Variants in NEBL observed in about 807,000 individuals in gnomAD.
NEBL encodes LIM and SH3 protein 2.
Under a neutral mutation model 140.2 loss-of-function variants are expected in NEBL, and 122 were observed. The ratio of observed to expected loss-of-function variants is 0.87; its 90% CI spans 0.75 to 1.01. The LOEUF (loss-of-function observed/expected upper bound fraction) is 1.01. Among genes scored for constraint, NEBL ranks in the 50% least tolerant of loss-of-function variants. NEBL has a pLI of 0.00. For synonymous variants in NEBL, 436 were observed against 398.9 expected (o/e 1.09, Z -1.11); for missense variants, 1,365 against 1,231.3 (o/e 1.11, Z -1.62).
intron 1 of NEBL, among the ~76,000 whole-genome samples, chr10:21,172,792 G>C (rs1484194994): frequency 1.3e-5 from 2 of 152,132 alleles, no homozygotes; most frequent in South Asian, 2.1e-4. Context: ...ATGAAGAAAC[G>C]GGGCCCAGAG....
chr10:20,896,846 A>G, intron 2 of NEBL, 112 bp downstream of exon 2: 1 of 929,358 alleles, frequency 1.1e-6, no homozygotes, highest in Non-Finnish European at 1.8e-6. Flanking sequence ...CTGGAAAGTG[A>G]CTGTGTTTTA....
At chr10:20,854,444 G>A (rs1189240263) in intron 9 of NEBL, among the ~76,000 whole-genome samples, 1 of 152,128 alleles carries the variant, frequency 6.6e-6, no homozygotes, top group Non-Finnish European at 1.5e-5. Flanking sequence ...AGGGAGCCTG[G>A]CCTCAGGTGC....
At chr10:21,022,816 C>T (rs1838851443) in intron 2 of NEBL, among the ~76,000 whole-genome samples, 1 of 152,206 alleles carries the variant, frequency 6.6e-6, no homozygotes. Context: ...TTCTCACACA[C>T]AGCATTCGGT....
intron 2 of NEBL, among the ~76,000 whole-genome samples, chr10:21,139,974 A>T (rs1486204699): frequency 1.4e-5 from 2 of 145,670 alleles, no homozygotes; most frequent in African/African-American, 5.3e-5. Context: ...AACATGTTGA[A>T]ACCCTGTCTC....
intron 3 of NEBL, among the ~76,000 whole-genome samples, chr10:21,018,042 G>A (rs936961538): frequency 3.3e-5 from 5 of 151,898 alleles, no homozygotes; most frequent in African/African-American, 1.2e-4. Flanking sequence ...GGCTGGTCTC[G>A]AACTCCTGAC....
At chr10:20,962,209 T>C (rs1836084560) in intron 3 of NEBL, among the ~76,000 whole-genome samples, 2 of 152,224 alleles carry the variant, frequency 1.3e-5, no homozygotes, top group South Asian at 4.1e-4. Context: ...CTAAATCTTC[T>C]TCTCCTCCTG....
intron 24 of NEBL, among the ~76,000 whole-genome samples, chr10:20,811,994 T>G (rs923849730): frequency 1.3e-5 from 2 of 152,196 alleles, no homozygotes; most frequent in African/African-American, 2.4e-5. Flanking sequence ...AAGGAACAGA[T>G]AGCAGGAATA....
intron 3 of NEBL, among the ~76,000 whole-genome samples, chr10:21,200,536 A>G (rs1841718524): frequency 6.6e-6 from 1 of 151,592 alleles, no homozygotes; most frequent in African/African-American, 2.4e-5. Flanking sequence ...CTGGTCTCGA[A>G]CTCCTTACCT....
intron 2 of NEBL, among the ~76,000 whole-genome samples, chr10:21,021,875 G>C (rs998335886): frequency 6.6e-6 from 1 of 152,146 alleles, no homozygotes; most frequent in Non-Finnish European, 1.5e-5. Context: ...GTAAATACTT[G>C]TGGACAGAAG....
intron 4 of NEBL, among the ~76,000 whole-genome samples, chr10:20,953,583 G>T (rs961577048): frequency 6.6e-6 from 1 of 150,522 alleles, no homozygotes; most frequent in African/African-American, 2.5e-5. Context: ...TTAAGATAGG[G>T]GAAGTCCTGG....
At chr10:21,233,928 C>T (rs571882509) in intron 3 of NEBL, among the ~76,000 whole-genome samples, 3 of 131,692 alleles carry the variant, frequency 2.3e-5, no homozygotes, top group South Asian at 2.8e-4. Flanking sequence ...ATATATATTA[C>T]ATATATATAT....
At chr10:20,937,362 T>C (rs767171694) in intron 4 of NEBL, among the ~76,000 whole-genome samples, 2 of 152,150 alleles carry the variant, frequency 1.3e-5, no homozygotes, top group Admixed American at 1.3e-4. Flanking sequence ...TCAGATATTA[T>C]CATTCCCATG....
At chr10:20,861,824 A>G (rs1318946753) in intron 7 of NEBL, among the ~76,000 whole-genome samples, 1 of 152,196 alleles carries the variant, frequency 6.6e-6, no homozygotes, top group Non-Finnish European at 1.5e-5. Flanking sequence ...AGTAAATGTT[A>G]CAGACACCCC....
At chr10:21,177,336 G>C (rs1841316205), upstream of NEBL, among the ~76,000 whole-genome samples, 3 of 152,198 alleles carry the variant, frequency 2.0e-5, no homozygotes, top group Admixed American at 6.5e-5. Context: ...CAGAGCCACA[G>C]CAAGCCCACA....
chr10:20,947,604 G>A (rs540217020), intron 4 of NEBL, among the ~76,000 whole-genome samples: 4 of 152,170 alleles, frequency 2.6e-5, no homozygotes, highest in African/African-American at 9.6e-5. Flanking sequence ...GCACTGATGA[G>A]CTTCATAGTT....
intron 13 of NEBL, among the ~76,000 whole-genome samples, chr10:20,838,557 T>C (rs1326745938): frequency 6.6e-6 from 1 of 152,304 alleles, no homozygotes; most frequent in African/African-American, 2.4e-5. Context: ...ACAAAAACTT[T>C]GTCATTAAAG....
intron 13 of NEBL, among the ~76,000 whole-genome samples, chr10:20,836,990 G>A (rs1049794867): frequency 3.9e-5 from 6 of 152,106 alleles, no homozygotes; most frequent in Admixed American, 1.3e-4. Context: ...CTGATCAGCC[G>A]TTCCTCTATC....
At chr10:21,161,600 T>C (rs990169067) in intron 2 of NEBL, among the ~76,000 whole-genome samples, 6 of 152,080 alleles carry the variant, frequency 3.9e-5, no homozygotes, top group Non-Finnish European at 8.8e-5. Flanking sequence ...ATATTAAGAA[T>C]CCGCCCATAA....
chr10:21,143,156 T>C (rs1839723234), intron 2 of NEBL, among the ~76,000 whole-genome samples: 2 of 152,130 alleles, frequency 1.3e-5, no homozygotes, highest in African/African-American at 2.4e-5. Context: ...GAGGTTAAAC[T>C]TTAAGCATGA....
Sources: gnomAD v4.1 joint callset for allele counts (sites outside exome capture counted in the v4.1 genomes callset) on GRCh38, gnomAD v4.1.1 for gene constraint, MANE v1.5 for transcripts, NCBI Gene and HGNC (gene_info 2026-07-23, HGNC 2026-07-21) for gene names.